Variants in ARPIN observed in about 807,000 individuals in gnomAD.
The protein encoded by ARPIN is actin related protein 2/3 complex inhibitor.
ARPIN carries 23 observed loss-of-function variants against 25.9 expected under a neutral mutation model. The ratio of observed to expected loss-of-function variants is 0.89; its 90% CI spans 0.64 to 1.26. The LOEUF is 1.26. ARPIN is among the 50% of genes most tolerant of loss of function. ARPIN has a pLI of 0.00. For missense variants in ARPIN, 333 were observed against 312.2 expected (o/e 1.07, Z -0.50); for synonymous variants, 126 against 131.4 (o/e 0.96, Z 0.28).
intron 1 of ARPIN, 133 bp downstream of exon 1, chr15:89,912,611 G>A (rs1476535898): frequency 1.0e-5 from 14 of 1,350,780 alleles, no homozygotes; most frequent in African/African-American, 1.5e-5. Context: ...CTGGAGGGGC[G>A]GACTGAAGGC....
chr15:89,910,913 G>A, intron 1 of ARPIN, 94 bp from the exon 2 acceptor site: 1 of 1,166,644 alleles, frequency 8.6e-7, no homozygotes, highest in East Asian at 2.4e-5. Context: ...GAGAAGGCTG[G>A]GTACTGAGCA....
In ARPIN at chr15:89,899,451, C is replaced by T. The variant is rs2141915478; in HGVS notation, c.*2344G>A. ...TCCCTAGGGAGCTAGTTTCAGTTCT[C>T]TATACTTCTTAGCCACAGGCTGGGC... On this transcript the variant is annotated 3_prime_UTR_variant, in exon 6 of 6. Coordinates refer to ENST00000357484, the MANE Select transcript of ARPIN (RefSeq NM_182616.4). The T allele has an allele frequency of 6.6e-6, 1 of 152,360 alleles. No individual in the cohort carries two copies. The highest frequency in any genetic ancestry group is 6.5e-5 in the Admixed American group (1 of 15,292). 9.4% of individuals were successfully genotyped at this position (152,360 alleles called of 1,614,324 possible).
chr15:89,903,020 A>G, intron 5 of ARPIN, 196 bp downstream of exon 5: 7 of 1,457,376 alleles, frequency 4.8e-6, no homozygotes, highest in Non-Finnish European at 6.3e-6. Context: ...CACCTACAAG[A>G]AAGGTCCCAG....
Position 89,895,879 on chromosome 15 carries a change from TTTTGTTTGTTTG to T in ARPIN, c.*5904_*5915del, listed in dbSNP as rs79709796. On this transcript the variant is annotated 3_prime_UTR_variant, in exon 6 of 6. Coordinates refer to ENST00000357484, the MANE Select transcript of ARPIN (RefSeq NM_182616.4). ...AACCGCCACCACGCCTAGTCCAGTTTTTTGTTTGTTTGTTTGTTTGTTTGTTTGAGATGGAGT... is the reference window on the plus strand; with the variant it reads ...AACCGCCACCACGCCTAGTCCAGTTTTTTGTTTGTTTGTTTGAGATGGAGT... The T allele has an allele frequency of 7.1e-4, 107 of 151,522 alleles. No homozygotes were observed. In the South Asian group the frequency reaches 0.012, roughly 18 times the overall value. The allele number at this position is 151,522 out of a possible 1,614,324, so 9.4% of individuals were successfully genotyped here. A position where few individuals can be genotyped will look rare whatever the true frequency, so the allele number is the denominator to read the frequency against.
intron 3 of ARPIN, among the ~76,000 whole-genome samples, chr15:89,906,164 A>G (rs1041555998): frequency 6.6e-6 from 1 of 151,950 alleles, no homozygotes; most frequent in African/African-American, 2.4e-5. Context: ...GTCCTAGGTG[A>G]CCCTAACAGC....
rs1265282561 is a variant in ARPIN at position 89,897,556 on chromosome 15, G to C, written c.*4239C>G. 6.6e-6 allele frequency: 1 copy of C among 152,186 alleles called. No homozygotes were observed. Among genetic ancestry groups the C allele is most frequent in the Non-Finnish European group, 1.5e-5 (1 of 68,038 alleles). 9.4% of individuals were successfully genotyped at this position (152,186 alleles called of 1,614,324 possible). On this transcript the variant is annotated 3_prime_UTR_variant, in exon 6 of 6. Transcript: ENST00000357484. The stretch of plus-strand genomic sequence containing the variant: ...TGGAAAGTGATTATGTGTGGGCATA[G>C]TGTTACAACAACTACCTACAAGCAT...
At chr15:89,903,626 C>T in intron 4 of ARPIN, 151 bp downstream of exon 4, 1 of 1,378,894 alleles carries the variant, frequency 7.3e-7, no homozygotes, top group South Asian at 1.4e-5. Context: ...GGCACTTGTG[C>T]AGGGATTTAG....
rs151111534 is a variant in ARPIN, at chr15:89,912,591, G to A, written c.92+153C>T. 1.3e-3 allele frequency: 1,808 copies of A among 1,345,232 alleles called. 20 individuals carry two copies. In the African/African-American group the frequency reaches 0.024, roughly 18 times the overall value. 83.3% of individuals were successfully genotyped at this position (1,345,232 alleles called of 1,614,324 possible). A position where few individuals can be genotyped will look rare whatever the true frequency, so the allele number is the denominator to read the frequency against. ...GCGGGCGCGGCGGCAGGGGCGCCGGGAGCGGCGGACTGGAGGGGCGGACTG... is the reference window on the plus strand; with the variant it reads ...GCGGGCGCGGCGGCAGGGGCGCCGGAAGCGGCGGACTGGAGGGGCGGACTG... On this transcript the variant is annotated intron_variant, in intron 1 of 5. Transcript: ENST00000357484.
At position 89,896,950 on chromosome 15, in the gene ARPIN, G is replaced by T. The variant is rs1463367827; in HGVS notation, c.*4845C>A. ...ATTATGGTTTAGAACAACCCTTTTG[G>T]GAAGCAATTTGGCAATATAACAAGA... On this transcript the variant is annotated 3_prime_UTR_variant, in exon 6 of 6. Coordinates refer to ENST00000357484, the MANE Select transcript of ARPIN (RefSeq NM_182616.4). 6.6e-6 allele frequency: 1 copy of T among 152,130 alleles called. No homozygotes were observed. The highest frequency in any genetic ancestry group is 1.5e-5 in the Non-Finnish European group (1 of 68,028). 9.4% of individuals were successfully genotyped at this position (152,130 alleles called of 1,614,324 possible).
chr15:89,896,043 C>T lies in ARPIN; in HGVS notation c.*5752G>A, dbSNP rs1255715071. 1 of 152,252 alleles carries T rather than the reference C, an allele frequency of 6.6e-6. No homozygotes were observed. Among genetic ancestry groups the T allele is most frequent in the Non-Finnish European group, 1.5e-5 (1 of 68,088 alleles). The allele number at this position is 152,252 out of a possible 1,614,324, so 9.4% of individuals were successfully genotyped here. ...AGCTGGGATTACAGGCACATGCCACCATGCCCAGCAAATTTTTGTATTTTT... is the reference window on the plus strand; with the variant it reads ...AGCTGGGATTACAGGCACATGCCACTATGCCCAGCAAATTTTTGTATTTTT... On this transcript the variant is annotated 3_prime_UTR_variant, in exon 6 of 6. Transcript: ENST00000357484.
intron 1 of ARPIN, among the ~76,000 whole-genome samples, chr15:89,911,780 A>T (rs1021409481): frequency 1.3e-5 from 2 of 152,098 alleles, no homozygotes; most frequent in Non-Finnish European, 2.9e-5. Context: ...ACCTTTGATC[A>T]TTACCCCATC....
rs1008239099 is a variant in ARPIN, at chr15:89,909,627, A to G, written c.168+1117T>C. ...GCAGCAGTGAGACCCTCAGAGATGT[A>G]TTTCTGGAAAGACATTTGTCCTATT... On this transcript the variant is annotated intron_variant, in intron 2 of 5. Transcript: ENST00000357484. 3.3e-5 allele frequency among the ~76,000 whole-genome samples: 5 copies of G among 152,162 alleles called. No individual in the cohort carries two copies. The East Asian group carries it at 5.8e-4, about 18-fold the overall frequency.
chr15:89,898,772 T>G lies in ARPIN; in HGVS notation c.*3023A>C, dbSNP rs1455209457. The G allele has an allele frequency of 6.6e-6, 1 of 152,132 alleles. No homozygotes were observed. Among genetic ancestry groups the G allele is most frequent in the African/African-American group, 2.4e-5 (1 of 41,410 alleles). 9.4% of individuals were successfully genotyped at this position (152,132 alleles called of 1,614,324 possible). A position where few individuals can be genotyped will look rare whatever the true frequency, so the allele number is the denominator to read the frequency against. ...TCATCTGGGGAGTAATAGGATCCAGTCTAGCTTCCAAAAGCTGCCCCTACC... is the reference window on the plus strand; with the variant it reads ...TCATCTGGGGAGTAATAGGATCCAGGCTAGCTTCCAAAAGCTGCCCCTACC... On this transcript the variant is annotated 3_prime_UTR_variant, in exon 6 of 6. Transcript: ENST00000357484.
Position 89,912,906 on chromosome 15 carries a change from G to C in ARPIN, c.-71C>G. On this transcript the variant is annotated 5_prime_UTR_variant, in exon 1 of 6. Coordinates refer to ENST00000357484, the MANE Select transcript of ARPIN (RefSeq NM_182616.4). ...CTGGGGGCGCGGCGCGGGAAGTGCT[G>C]CAGGACGCGCGGGGACCCGCGATTC... 1 of 1,430,922 alleles carries C rather than the reference G, an allele frequency of 7.0e-7. No individual in the cohort carries two copies. Among genetic ancestry groups the C allele is most frequent in the East Asian group, 3.0e-5 (1 of 33,710 alleles). 88.6% of individuals were successfully genotyped at this position (1,430,922 alleles called of 1,614,324 possible).
chr15:89,910,845 T>G (rs1480358579), intron 1 of ARPIN, 26 bp from the exon 2 acceptor site: 9 of 1,613,364 alleles, frequency 5.6e-6, no homozygotes, highest in Non-Finnish European at 7.6e-6. Context: ...AAAGAAAGGA[T>G]AGCCAGTTTT....
At position 89,898,365 on chromosome 15, in the gene ARPIN, T is replaced by C. The variant is rs8038480; in HGVS notation, c.*3430A>G. 73,861 of 151,846 alleles carry C rather than the reference T, an allele frequency of 0.49. 18,390 individuals are homozygous for C. Among genetic ancestry groups the C allele is most frequent in the East Asian group, 0.63 (3,267 of 5,154 alleles). The allele number at this position is 151,846 out of a possible 1,614,324, so 9.4% of individuals were successfully genotyped here. On this transcript the variant is annotated 3_prime_UTR_variant, in exon 6 of 6. Coordinates refer to ENST00000357484, the MANE Select transcript of ARPIN (RefSeq NM_182616.4). ...GCTCTGGGAACAGCCAGCCCCTCCATGGGACCAACACAGCCCTTCCCAAAC... is the reference window on the plus strand; with the variant it reads ...GCTCTGGGAACAGCCAGCCCCTCCACGGGACCAACACAGCCCTTCCCAAAC...
intron 1 of ARPIN, among the ~76,000 whole-genome samples, chr15:89,911,531 G>A (rs545671336): frequency 1.3e-5 from 2 of 152,110 alleles, no homozygotes; most frequent in Non-Finnish European, 2.9e-5. Flanking sequence ...AGTGGAATAG[G>A]GATGGGAGTG....
rs779929607 is a variant in ARPIN at position 89,908,428 on chromosome 15, CAGAG to C, written c.169-20_169-17del. The C allele has an allele frequency of 1.2e-6, 2 of 1,613,070 alleles. No individual in the cohort carries two copies. The highest frequency in any genetic ancestry group is 2.2e-5 in the South Asian group (2 of 91,052). On this transcript the variant is annotated splice_polypyrimidine_tract_variant and intron_variant, in intron 2 of 5. Transcript: ENST00000357484. Reference sequence around the variant, plus strand: ...AGTAGCGCTCCTGGGGCCAGGCAGACAGAGAGTGAGGGGGCGGCTTCATCCCACA... The same window carrying C: ...AGTAGCGCTCCTGGGGCCAGGCAGACAGTGAGGGGGCGGCTTCATCCCACA...
At chr15:89,907,846 T>TAAAC (rs1416055864) in intron 3 of ARPIN, among the ~76,000 whole-genome samples, 3 of 152,094 alleles carry the variant, frequency 2.0e-5, no homozygotes, top group Non-Finnish European at 4.4e-5. Flanking sequence ...AAAAATAAAA[T>TAAAC]AAACAAACAC....
Sources: gnomAD v4.1 joint callset for allele counts (sites outside exome capture counted in the v4.1 genomes callset) on GRCh38, gnomAD v4.1.1 for gene constraint, MANE v1.5 for transcripts, NCBI Gene and HGNC (gene_info 2026-07-23, HGNC 2026-07-21) for gene names.